EPHA5: variants seen among roughly 807,000 people sequenced by gnomAD.
EPHA5 encodes the protein ephrin type-A receptor 5.
In EPHA5, 60 loss-of-function variants were observed where a neutral mutation model predicts 105.0. The ratio of observed to expected loss-of-function variants is 0.57; its 90% CI spans 0.46 to 0.71. The LOEUF (loss-of-function observed/expected upper bound fraction) is 0.71. EPHA5 is among the 30% of genes least tolerant of loss of function. EPHA5 has a pLI of 0.00. For missense variants in EPHA5, 1,218 were observed against 1,274.7 expected (o/e 0.96, Z 0.68); for synonymous variants, 513 against 449.1 (o/e 1.14, Z -1.80).
intron 16 of EPHA5, chr4:65,331,046 C>T (rs7673191): frequency 0.34 from 356,661 of 1,041,658 alleles, 63,292 homozygotes; most frequent in East Asian, 0.44. Flanking sequence ...AAGAACTGCT[C>T]AATGTTCATA....
chr4:65,533,538 A>T (rs773093832), intron 3 of EPHA5, among the ~76,000 whole-genome samples: 2 of 152,134 alleles, frequency 1.3e-5, no homozygotes, highest in South Asian at 4.1e-4. Flanking sequence ...ATCTTCTTTT[A>T]TTATCTCATG....
At chr4:65,380,491 G>T in intron 8 of EPHA5, among the ~76,000 whole-genome samples, 1 of 151,638 alleles carries the variant, frequency 6.6e-6, no homozygotes, top group East Asian at 1.9e-4. Context: ...GGAATTCTCA[G>T]ATGCCAGAAC....
At chr4:65,598,446 T>C (rs750486874) in intron 3 of EPHA5, among the ~76,000 whole-genome samples, 1 of 152,318 alleles carries the variant, frequency 6.6e-6, no homozygotes, top group African/African-American at 2.4e-5. Flanking sequence ...TCCTCTCTTT[T>C]GAATTCATTG....
At position 65,319,970 on chromosome 4, in the gene EPHA5, T is replaced by G. The variant is rs1378007487; in HGVS notation, c.*4144A>C. ...TTCCCAGCCTGAATAAACATGACATTTTACCACCTTCAATTTTCTCCATTA... is the reference window on the plus strand; with the variant it reads ...TTCCCAGCCTGAATAAACATGACATGTTACCACCTTCAATTTTCTCCATTA... On this transcript the variant is annotated 3_prime_UTR_variant, in exon 17 of 17. Transcript: ENST00000613740. 1 of 229,958 alleles carries G rather than the reference T, an allele frequency of 4.3e-6. No homozygotes were observed. The highest frequency in any genetic ancestry group is 2.2e-5 in the African/African-American group (1 of 45,128). The allele number at this position is 229,958 out of a possible 1,614,324, so 14.2% of individuals were successfully genotyped here.
intron 2 of EPHA5, among the ~76,000 whole-genome samples, chr4:65,613,668 G>T (rs1744974732): frequency 6.6e-6 from 1 of 151,866 alleles, no homozygotes; most frequent in African/African-American, 2.4e-5. Context: ...TATGTCTATT[G>T]CAAATTCCTC....
intron 3 of EPHA5, among the ~76,000 whole-genome samples, chr4:65,547,298 G>GA (rs71657184): frequency 0.74 from 103,471 of 139,350 alleles, 38,635 homozygotes; most frequent in African/African-American, 0.79. Flanking sequence ...AAGCCAAGTG[G>GA]AAAAAAAAAA....
In EPHA5 at chr4:65,379,795, T is replaced by G. The variant is rs796492541; in HGVS notation, c.1794-12371A>C. On this transcript the variant is annotated intron_variant, in intron 8 of 16. Transcript: ENST00000613740. ...CAGATTAACTAATATAAATACCTAA[T>G]GGCCAATGTAATTTAAAAAATCATT... 5.9e-4 allele frequency among the ~76,000 whole-genome samples: 90 copies of G among 151,860 alleles called. 2 individuals carry two copies. Among genetic ancestry groups the G allele is most frequent in the African/African-American group, 2.1e-3 (89 of 41,528 alleles).
chr4:65,339,398 T>A (rs1721489387), intron 14 of EPHA5, among the ~76,000 whole-genome samples: 1 of 152,126 alleles, frequency 6.6e-6, no homozygotes, highest in Non-Finnish European at 1.5e-5. Context: ...TATGGGGACT[T>A]AACTATCACA....
intron 8 of EPHA5, among the ~76,000 whole-genome samples, chr4:65,396,912 A>T (rs755727558): frequency 2.0e-5 from 3 of 152,078 alleles, no homozygotes; most frequent in Non-Finnish European, 4.4e-5. Flanking sequence ...AATAGGAATC[A>T]GAAGGAGGCC....
At chr4:65,380,025 A>T (rs1001341287) in intron 8 of EPHA5, among the ~76,000 whole-genome samples, 22 of 151,816 alleles carry the variant, frequency 1.4e-4, no homozygotes, top group African/African-American at 5.3e-4. Context: ...TTTTCCATCA[A>T]CCAATAAATA....
At chr4:65,479,508 A>T (rs1351757958) in intron 5 of EPHA5, among the ~76,000 whole-genome samples, 1 of 152,216 alleles carries the variant, frequency 6.6e-6, no homozygotes, top group Admixed American at 6.5e-5. Context: ...GTATAGGGAA[A>T]TGGGGAAAGG....
chr4:65,624,681 T>C (rs1486161915), intron 2 of EPHA5, among the ~76,000 whole-genome samples: 1 of 152,198 alleles, frequency 6.6e-6, no homozygotes, highest in Non-Finnish European at 1.5e-5. Context: ...AAACTCTCTA[T>C]TGGATTTATC....
intron 3 of EPHA5, among the ~76,000 whole-genome samples, chr4:65,499,196 C>T (rs1416557307): frequency 1.3e-5 from 2 of 151,500 alleles, no homozygotes; most frequent in Non-Finnish European, 3.0e-5. Context: ...ATCTCCAAAC[C>T]TATATGTCAT....
chr4:65,359,735 C>A (rs1260181729), intron 11 of EPHA5, among the ~76,000 whole-genome samples: 1 of 151,558 alleles, frequency 6.6e-6, no homozygotes, highest in Non-Finnish European at 1.5e-5. Context: ...TAATGATCTG[C>A]GAACAATGTC....
intron 3 of EPHA5, among the ~76,000 whole-genome samples, chr4:65,514,696 A>T (rs1733934348): frequency 6.6e-6 from 1 of 152,186 alleles, no homozygotes; most frequent in African/African-American, 2.4e-5. Context: ...CAGCAATAAT[A>T]ACAGAACACT....
At chr4:65,609,848 T>A (rs369988967) in intron 2 of EPHA5, among the ~76,000 whole-genome samples, 362 of 152,158 alleles carry the variant, frequency 2.4e-3, no homozygotes, top group African/African-American at 8.4e-3. Context: ...AATATCATGA[T>A]GAACATAATA....
At chr4:65,529,850 G>T (rs1396374469) in intron 3 of EPHA5, among the ~76,000 whole-genome samples, 1 of 151,956 alleles carries the variant, frequency 6.6e-6, no homozygotes, top group Non-Finnish European at 1.5e-5. Context: ...ACAAAGTTCT[G>T]GTGGGTGTTG....
intron 5 of EPHA5, among the ~76,000 whole-genome samples, chr4:65,429,899 C>T (rs887762753): frequency 6.6e-6 from 1 of 151,966 alleles, no homozygotes; most frequent in South Asian, 2.1e-4. Context: ...TTATCAGCAG[C>T]TCTCATAAAC....
chr4:65,448,864 A>G (rs758317063), intron 5 of EPHA5, among the ~76,000 whole-genome samples: 9 of 152,292 alleles, frequency 5.9e-5, no homozygotes, highest in Middle Eastern at 3.4e-3. Flanking sequence ...CACTCACATC[A>G]TAATATATAA....
Sources: allele counts gnomAD v4.1 joint callset (sites outside exome capture counted in the v4.1 genomes callset), GRCh38; gene constraint gnomAD v4.1.1; transcripts MANE v1.5; gene names NCBI Gene and HGNC (gene_info 2026-07-23, HGNC 2026-07-21).